Variants in SUPT3H observed in about 807,000 individuals in gnomAD.
The protein encoded by SUPT3H is transcription initiation protein SPT3 homolog.
A neutral mutation model predicts 44.3 loss-of-function variants in SUPT3H; 44 were observed. The observed-to-expected ratio is 0.99, with a 90% CI of 0.78 to 1.28. SUPT3H has a LOEUF of 1.28. Among genes scored for constraint, SUPT3H ranks in the 50% most tolerant of loss-of-function variants. The pLI is 0.00. For missense variants in SUPT3H, 380 were observed against 387.1 expected (o/e 0.98, Z 0.15); for synonymous variants, 124 against 125.6 (o/e 0.99, Z 0.09).
At chr6:44,874,954 G>C (rs1337970639) in intron 10 of SUPT3H, among the ~76,000 whole-genome samples, 1 of 125,094 alleles carries the variant, frequency 8.0e-6, no homozygotes, top group South Asian at 3.2e-4. Flanking sequence ...GGGATGTGAA[G>C]GACCTCTTCA....
At chr6:45,217,782 A>G (rs930272342) in intron 2 of SUPT3H, among the ~76,000 whole-genome samples, 1 of 151,594 alleles carries the variant, frequency 6.6e-6, no homozygotes, top group Non-Finnish European at 1.5e-5. Flanking sequence ...CCTAGCTACT[A>G]GGGAGGCTGA....
At chr6:45,262,770 A>G (rs1584556201) in intron 2 of SUPT3H, among the ~76,000 whole-genome samples, 1 of 152,132 alleles carries the variant, frequency 6.6e-6, no homozygotes, top group Non-Finnish European at 1.5e-5. Flanking sequence ...GGTCTAATAT[A>G]CAGAATCTAG....
chr6:45,377,099 G>T (rs1031596291), intron 1 of SUPT3H, among the ~76,000 whole-genome samples: 1 of 141,544 alleles, frequency 7.1e-6, no homozygotes, highest in Non-Finnish European at 1.6e-5. Flanking sequence ...AGAAAATAAG[G>T]TCACAGTCAT....
intron 9 of SUPT3H, among the ~76,000 whole-genome samples, chr6:44,940,244 T>C (rs1398050911): frequency 6.6e-6 from 1 of 152,060 alleles, no homozygotes; most frequent in East Asian, 1.9e-4. Context: ...GTGCGTTGTG[T>C]TTCCATTTTC....
intron 10 of SUPT3H, among the ~76,000 whole-genome samples, chr6:44,859,251 T>G (rs1168330721): frequency 6.6e-6 from 1 of 152,186 alleles, no homozygotes; most frequent in Non-Finnish European, 1.5e-5. Flanking sequence ...ACTTATAGAC[T>G]AATCCAAAGC....
At chr6:45,247,450 T>C (rs905908406) in intron 2 of SUPT3H, among the ~76,000 whole-genome samples, 3 of 152,208 alleles carry the variant, frequency 2.0e-5, no homozygotes, top group African/African-American at 4.8e-5. Context: ...CTGTTCTCTT[T>C]CTTGGAGTCA....
intron 2 of SUPT3H, among the ~76,000 whole-genome samples, chr6:45,320,089 G>T (rs1313693973): frequency 1.3e-5 from 2 of 151,522 alleles, no homozygotes; most frequent in Non-Finnish European, 2.9e-5. Context: ...CAATTCAAGA[G>T]ATGGTTATTA....
chr6:44,874,649 A>G (rs1043569403), intron 10 of SUPT3H, among the ~76,000 whole-genome samples: 5 of 85,216 alleles, frequency 5.9e-5, no homozygotes, highest in African/African-American at 2.5e-4. Flanking sequence ...AGTTCTGGCC[A>G]GGGCAATCAG....
rs1323183455 is a variant in SUPT3H at position 45,017,446 on chromosome 6, C to G, written c.274-2555G>C. ...ATGCCTATGTCCTGAATGGTAATGC[C>G]TAGGTTTTCTTCCAGGGTTTTTATG... On this transcript the variant is annotated intron_variant, in intron 4 of 10. Transcript: ENST00000371459. 2.3e-3 allele frequency among the ~76,000 whole-genome samples: 336 copies of G among 148,806 alleles called. 1 individual carries two copies. The highest frequency in any genetic ancestry group is 0.01 in the South Asian group (44 of 4,266).
At position 45,183,576 on chromosome 6, in the gene SUPT3H, G is replaced by A. The variant is rs368589790; in HGVS notation, c.102-77570C>T. ...TTGCGTGAACTCAGAGTAAGAACTC[G>A]CTTATCACCAAGTGGATGGTACCAA... On this transcript the variant is annotated intron_variant, in intron 2 of 10. Coordinates refer to ENST00000371459, the MANE Select transcript of SUPT3H (RefSeq NM_003599.4). 2.6e-5 allele frequency among the ~76,000 whole-genome samples: 4 copies of A among 152,234 alleles called. No individual in the cohort carries two copies. In the South Asian group the frequency reaches 6.2e-4, roughly 24 times the overall value.
intron 3 of SUPT3H, among the ~76,000 whole-genome samples, chr6:45,047,691 C>T (rs751740296): frequency 1.6e-4 from 24 of 152,012 alleles, no homozygotes; most frequent in Non-Finnish European, 2.9e-4. Flanking sequence ...TATGGCTGTA[C>T]TAATTTATAT....
At chr6:45,276,505 C>A (rs1584634588) in intron 2 of SUPT3H, among the ~76,000 whole-genome samples, 1 of 152,040 alleles carries the variant, frequency 6.6e-6, no homozygotes, top group African/African-American at 2.4e-5. Flanking sequence ...ATATCTGTAT[C>A]TTTTTCCATG....
At chr6:44,835,699 T>C (rs1029160714) in intron 10 of SUPT3H, among the ~76,000 whole-genome samples, 2 of 152,156 alleles carry the variant, frequency 1.3e-5, no homozygotes, top group African/African-American at 4.8e-5. Flanking sequence ...CTGAATTTCA[T>C]GTATAAATGC....
chr6:45,340,730 G>A (rs1789610857), intron 2 of SUPT3H, among the ~76,000 whole-genome samples: 1 of 151,962 alleles, frequency 6.6e-6, no homozygotes, highest in Non-Finnish European at 1.5e-5. Context: ...TACTCTATGT[G>A]ATATAAAAAT....
chr6:44,987,375 T>C (rs1230155497), intron 6 of SUPT3H, among the ~76,000 whole-genome samples: 1 of 151,860 alleles, frequency 6.6e-6, no homozygotes, highest in Non-Finnish European at 1.5e-5. Context: ...AAATATGATA[T>C]GTGAGTAGAG....
intron 10 of SUPT3H, among the ~76,000 whole-genome samples, chr6:44,861,796 G>A (rs1484361305): frequency 1.3e-5 from 2 of 152,172 alleles, no homozygotes; most frequent in African/African-American, 4.8e-5. Context: ...GACAAGAGGG[G>A]CTAGGGAAGA....
At chr6:45,036,019 T>C (rs1304773892) in intron 3 of SUPT3H, among the ~76,000 whole-genome samples, 3 of 152,048 alleles carry the variant, frequency 2.0e-5, no homozygotes, top group Non-Finnish European at 2.9e-5. Context: ...GCACAATGGA[T>C]GAAAAGAGAC....
At chr6:45,126,637 G>A (rs768460460) in intron 2 of SUPT3H, among the ~76,000 whole-genome samples, 1 of 152,242 alleles carries the variant, frequency 6.6e-6, no homozygotes, top group Non-Finnish European at 1.5e-5. Flanking sequence ...CAAAAGATAT[G>A]AAGAACAGTG....
chr6:44,995,205 T>C (rs1263234562), intron 6 of SUPT3H, among the ~76,000 whole-genome samples: 1 of 152,068 alleles, frequency 6.6e-6, no homozygotes, highest in Non-Finnish European at 1.5e-5. Flanking sequence ...TCTATTGATA[T>C]TTATTTATTG....
Sources: gnomAD v4.1 joint callset for allele counts (sites outside exome capture counted in the v4.1 genomes callset) on GRCh38, gnomAD v4.1.1 for gene constraint, MANE v1.5 for transcripts, NCBI Gene and HGNC (gene_info 2026-07-23, HGNC 2026-07-21) for gene names.